Variants in SNX29 observed in about 807,000 individuals in gnomAD.
SNX29 encodes sorting nexin 29.
A neutral mutation model predicts 102.1 loss-of-function variants in SNX29; 78 were observed. That is an observed-to-expected ratio of 0.76 (90% confidence interval 0.64 to 0.92). The LOEUF (loss-of-function observed/expected upper bound fraction) is 0.92, where lower values mean the gene tolerates loss of function less well. Among genes scored for constraint, SNX29 ranks in the 40% least tolerant of loss-of-function variants. The pLI, the probability that SNX29 is intolerant of heterozygous loss-of-function variation, is 0.00. For missense variants in SNX29, 1,280 were observed against 1,061.7 expected, an observed-to-expected ratio of 1.21 and a Z score of -2.86; for synonymous variants, 580 against 414.5, an observed-to-expected ratio of 1.40 and a Z score of -4.85.
At chr16:12,472,059 A>G (rs1365402637) in intron 18 of SNX29, among the ~76,000 whole-genome samples, 1 of 152,266 alleles carries the variant, frequency 6.6e-6, no homozygotes, top group African/African-American at 2.4e-5. Flanking sequence ...CCCCAGCAGA[A>G]CAGGTGGATA....
intron 20 of SNX29, among the ~76,000 whole-genome samples, chr16:12,540,362 ATTTC>A (rs1333588117): frequency 6.6e-6 from 1 of 152,112 alleles, no homozygotes; most frequent in Non-Finnish European, 1.5e-5. Context: ...CCCTGTATTA[ATTTC>A]TTATTGTTGC....
At chr16:12,438,970 C>G (rs1304591786) in intron 18 of SNX29, among the ~76,000 whole-genome samples, 2 of 152,188 alleles carry the variant, frequency 1.3e-5, no homozygotes, top group Non-Finnish European at 2.9e-5. Flanking sequence ...GAGGAAGGCA[C>G]CGGACAGGAT....
chr16:12,197,243 G>A (rs1046765007), intron 13 of SNX29, among the ~76,000 whole-genome samples: 15 of 152,122 alleles, frequency 9.9e-5, no homozygotes, highest in African/African-American at 3.6e-4. Flanking sequence ...GCTGGGCTGG[G>A]CAATGAGGCT....
intron 11 of SNX29, among the ~76,000 whole-genome samples, chr16:12,085,688 A>T (rs75802488): frequency 6.6e-6 from 1 of 152,084 alleles, no homozygotes; most frequent in East Asian, 1.9e-4. Flanking sequence ...TAGAATAATA[A>T]TCTATCAAAA....
At chr16:12,562,381 AG>A (rs1567207353) in intron 20 of SNX29, among the ~76,000 whole-genome samples, 3 of 139,640 alleles carry the variant, frequency 2.1e-5, no homozygotes, top group African/African-American at 8.6e-5. Context: ...TTTTTAAAAC[AG>A]CTCAAGAGAC....
chr16:12,054,364 G>A (rs1363897980), intron 8 of SNX29, among the ~76,000 whole-genome samples: 1 of 152,210 alleles, frequency 6.6e-6, no homozygotes, highest in Admixed American at 6.5e-5. Flanking sequence ...GCTGTGGGAT[G>A]CCCAGATTGA....
At chr16:12,436,142 G>A (rs1332226377) in intron 18 of SNX29, among the ~76,000 whole-genome samples, 1 of 152,168 alleles carries the variant, frequency 6.6e-6, no homozygotes, top group African/African-American at 2.4e-5. Context: ...TTCCAAAGGG[G>A]ATTAAAGCTC....
At chr16:12,216,628 A>T (rs2077331131) in intron 14 of SNX29, among the ~76,000 whole-genome samples, 1 of 152,152 alleles carries the variant, frequency 6.6e-6, no homozygotes. Flanking sequence ...GAAGACTTAG[A>T]TTGTGGGTGT....
chr16:12,078,419 G>A (rs751724476), intron 10 of SNX29, among the ~76,000 whole-genome samples: 1 of 152,098 alleles, frequency 6.6e-6, no homozygotes, highest in Non-Finnish European at 1.5e-5. Flanking sequence ...AGGTTACAGT[G>A]AGCCGAGATC....
At chr16:12,428,033 G>GAT (rs1471846629) in intron 18 of SNX29, among the ~76,000 whole-genome samples, 1 of 152,178 alleles carries the variant, frequency 6.6e-6, no homozygotes, top group Non-Finnish European at 1.5e-5. Flanking sequence ...TAATTTGTTG[G>GAT]ATATAAATGT....
At chr16:12,534,219 G>A (rs2077008291) in intron 20 of SNX29, among the ~76,000 whole-genome samples, 2 of 152,230 alleles carry the variant, frequency 1.3e-5, no homozygotes, top group South Asian at 4.1e-4. Context: ...AGGGTCCATT[G>A]GAGTAATCGT....
intron 11 of SNX29, among the ~76,000 whole-genome samples, chr16:12,107,236 C>T (rs904047987): frequency 2.6e-5 from 4 of 151,980 alleles, no homozygotes; most frequent in East Asian, 1.9e-4. Flanking sequence ...CCAGCCAAGG[C>T]GCTTCAGTTA....
chr16:12,556,540 CT>C (rs2078362575), intron 20 of SNX29: 1 of 152,270 alleles, frequency 6.6e-6, no homozygotes, highest in South Asian at 2.1e-4. Context: ...GGGATTACAG[CT>C]GTGGGAAACA....
chr16:12,255,355 C>T (rs1351436385), intron 14 of SNX29, among the ~76,000 whole-genome samples: 1 of 150,156 alleles, frequency 6.7e-6, no homozygotes, highest in African/African-American at 2.5e-5. Flanking sequence ...ACCACCATGC[C>T]TGGCTAATTT....
Position 12,563,385 on chromosome 16 carries a change from C to T in SNX29, c.2319-5121C>T, listed in dbSNP as rs114079428. Among the ~76,000 whole-genome samples the T allele has an allele frequency of 3.8e-3, 581 of 152,282 alleles. 1 individual carries two copies. Among genetic ancestry groups the T allele is most frequent in the African/African-American group, 0.012 (518 of 41,542 alleles). Reference sequence around the variant, plus strand: ...TTTATCGCCACGTTGATATTTTACCCGTAACCATGAAAATAGATGGCGACT... The same window carrying T: ...TTTATCGCCACGTTGATATTTTACCTGTAACCATGAAAATAGATGGCGACT... On this transcript the variant is annotated intron_variant, in intron 20 of 20. Transcript: ENST00000566228.
intron 18 of SNX29, among the ~76,000 whole-genome samples, chr16:12,423,036 A>C (rs2084930026): frequency 6.6e-6 from 1 of 152,144 alleles, no homozygotes; most frequent in Non-Finnish European, 1.5e-5. Flanking sequence ...GGAAGAAACA[A>C]ACACACACAC....
At chr16:12,312,387 C>T (rs779846826) in intron 15 of SNX29, among the ~76,000 whole-genome samples, 9 of 152,178 alleles carry the variant, frequency 5.9e-5, no homozygotes, top group Non-Finnish European at 1.3e-4. Context: ...CTGGCAACTG[C>T]ACTGTAGAGA....
At chr16:12,351,556 A>T (rs2081993216) in intron 15 of SNX29, among the ~76,000 whole-genome samples, 1 of 152,204 alleles carries the variant, frequency 6.6e-6, no homozygotes, top group African/African-American at 2.4e-5. Flanking sequence ...GAACATTCTG[A>T]TATGAAAGGA....
intron 8 of SNX29, among the ~76,000 whole-genome samples, chr16:12,058,463 G>C (rs2050610629): frequency 6.6e-6 from 1 of 150,894 alleles, no homozygotes; most frequent in African/African-American, 2.4e-5. Flanking sequence ...GTAGCCCTTG[G>C]GGCCCACTGG....
Sources: gnomAD v4.1 joint callset for allele counts (sites outside exome capture counted in the v4.1 genomes callset) on GRCh38, gnomAD v4.1.1 for gene constraint, MANE v1.5 for transcripts, NCBI Gene and HGNC (gene_info 2026-07-23, HGNC 2026-07-21) for gene names.